Variants in SLC2A14 observed in about 807,000 individuals in gnomAD.
SLC2A14 encodes the protein solute carrier family 2, facilitated glucose transporter member 14.
In SLC2A14, 13 loss-of-function variants were observed where a neutral mutation model predicts 43.0. The observed-to-expected ratio is 0.30, with a 90% CI of 0.20 to 0.48. The LOEUF is 0.48. Among genes scored for constraint, SLC2A14 ranks in the 20% least tolerant of loss-of-function variants. The pLI is 0.99. For synonymous variants in SLC2A14, 190 were observed against 233.8 expected, an observed-to-expected ratio of 0.81 and a Z score of 1.71; for missense variants, 428 against 620.4, an observed-to-expected ratio of 0.69 and a Z score of 3.29.
chr12:7,884,263 C>T (rs369500251), intron 1 of SLC2A14, among the ~76,000 whole-genome samples: 8 of 152,132 alleles, frequency 5.3e-5, no homozygotes, highest in African/African-American at 1.9e-4. Flanking sequence ...TAAGTTTGAA[C>T]TCTTTCTTTC....
In SLC2A14 at chr12:7,821,311, T is replaced by C; in HGVS notation, c.879A>G (p.Ser293=). 1 of 1,613,634 alleles carries C rather than the reference T, an allele frequency of 6.2e-7. No homozygotes were observed. The highest frequency in any genetic ancestry group is 8.5e-7 in the Non-Finnish European group (1 of 1,179,670). Residue 293 remains serine (S), a synonymous_variant, in exon 8 of 11, where the codon TCA becomes TCG. Coordinates refer to ENST00000431042, the MANE Select transcript of SLC2A14 (RefSeq NM_001286234.2). ...LSGINAVFYY[S]TGIFKDAGVQ... The stretch of plus-strand genomic sequence containing the variant: ...CACCTGCATCCTTGAAGATTCCTGT[T>C]GAGTAATAGAACACCTAGGAGAAAA...
At chr12:7,885,131 A>T (rs1377517215) in intron 1 of SLC2A14, among the ~76,000 whole-genome samples, 3 of 152,172 alleles carry the variant, frequency 2.0e-5, no homozygotes, top group Non-Finnish European at 4.4e-5. Context: ...AAGCTGAACC[A>T]TGAGTCAGAA....
At chr12:7,856,771 A>G (rs1469055430) in intron 2 of SLC2A14, among the ~76,000 whole-genome samples, 1 of 152,082 alleles carries the variant, frequency 6.6e-6, no homozygotes, top group African/African-American at 2.4e-5. Flanking sequence ...GCTGAGTCAC[A>G]ATTTCAGCAG....
chr12:7,876,280 CA>C (rs59935166), upstream of SLC2A14, among the ~76,000 whole-genome samples: 586 of 68,100 alleles, frequency 8.6e-3, 4 homozygotes, highest in African/African-American at 0.024. Context: ...AACTCCATCT[CA>C]AAAAAAAAAA....
At chr12:7,837,638 C>CCAAAAAAAAAAA (rs1415686871) in intron 2 of SLC2A14, among the ~76,000 whole-genome samples, 3 of 52,892 alleles carry the variant, frequency 5.7e-5, no homozygotes, top group African/African-American at 2.6e-4. Context: ...AACTTCGTCT[C>CCAAAAAAAAAAA]AAAAAAAAAA....
intron 8 of SLC2A14, among the ~76,000 whole-genome samples, chr12:7,820,252 G>T (rs1018774504): frequency 2.0e-5 from 3 of 148,334 alleles, no homozygotes; most frequent in Non-Finnish European, 4.4e-5. Flanking sequence ...TCATCTGGTT[G>T]TGTATTTCTG....
At chr12:7,839,942 A>G in intron 2 of SLC2A14, 2 of 356,860 alleles carry the variant, frequency 5.6e-6, no homozygotes, top group Admixed American at 3.9e-5. Flanking sequence ...AAAAAAAAAA[A>G]AAAAAAAAAA....
chr12:7,876,303 A>AAAAAAAAAAAG (rs1555149216), upstream of SLC2A14, among the ~76,000 whole-genome samples: 231 of 133,624 alleles, frequency 1.7e-3, 3 homozygotes, highest in African/African-American at 5.8e-3. Flanking sequence ...AAAAAAAAAA[A>AAAAAAAAAAAG]AGAGAGACAA....
chr12:7,835,685 G>A (rs78356348), intron 2 of SLC2A14, among the ~76,000 whole-genome samples: 43 of 152,274 alleles, frequency 2.8e-4, no homozygotes, highest in East Asian at 1.5e-3. Flanking sequence ...GCCTTTAAAC[G>A]CATTGAGGTA....
intron 1 of SLC2A14, among the ~76,000 whole-genome samples, chr12:7,870,559 T>C (rs1222122972): frequency 6.6e-6 from 1 of 152,044 alleles, no homozygotes; most frequent in Non-Finnish European, 1.5e-5. Context: ...CCTGAGTCTA[T>C]TAGGAGGAGG....
chr12:7,869,799 A>G lies in SLC2A14; in HGVS notation c.18+64T>C, dbSNP rs1422346166. ...TGAAAAGTTTAGGAAGATGATAGGT[A>G]CTGTGATTATCAACATAACTCTGAC... On this transcript the variant is annotated intron_variant, in intron 2 of 10. Coordinates refer to ENST00000431042, the MANE Select transcript of SLC2A14 (RefSeq NM_001286234.2). 5.0e-6 allele frequency: 5 copies of G among 1,005,666 alleles called. No individual in the cohort carries two copies. In the African/African-American group the frequency reaches 8.0e-5, roughly 16 times the overall value. 62.3% of individuals were successfully genotyped at this position (1,005,666 alleles called of 1,614,324 possible). A position where few individuals can be genotyped will look rare whatever the true frequency, so the allele number is the denominator to read the frequency against.
intron 2 of SLC2A14, among the ~76,000 whole-genome samples, chr12:7,860,148 G>T (rs1944467211): frequency 6.6e-6 from 1 of 152,062 alleles, no homozygotes; most frequent in Non-Finnish European, 1.5e-5. Flanking sequence ...TCCCAGTACT[G>T]GCCCTGGAGA....
chr12:7,863,252 G>C (rs1480242448), intron 2 of SLC2A14: 1 of 370,274 alleles, frequency 2.7e-6, no homozygotes, highest in East Asian at 8.9e-5. Flanking sequence ...GAAGTCTGCA[G>C]CTTCACTCCT....
At chr12:7,816,578 C>A (rs1174705714) in intron 10 of SLC2A14, among the ~76,000 whole-genome samples, 1 of 150,598 alleles carries the variant, frequency 6.6e-6, no homozygotes, top group East Asian at 2.0e-4. Flanking sequence ...AAGATATATT[C>A]TTAAACTGGG....
At chr12:7,838,971 CTG>C (rs1865691919) in intron 2 of SLC2A14, among the ~76,000 whole-genome samples, 1 of 150,932 alleles carries the variant, frequency 6.6e-6, no homozygotes, top group Non-Finnish European at 1.5e-5. Flanking sequence ...TGTGAAGACA[CTG>C]AGAAGACAGC....
chr12:7,847,669 T>C (rs1216982536), intron 2 of SLC2A14, among the ~76,000 whole-genome samples: 1 of 152,152 alleles, frequency 6.6e-6, no homozygotes, highest in Non-Finnish European at 1.5e-5. Context: ...TGGCTTCTCT[T>C]AGCCCATCTA....
At chr12:7,857,510 G>C (rs11611732) in intron 2 of SLC2A14, among the ~76,000 whole-genome samples, 41,086 of 151,750 alleles carry the variant, frequency 0.27, 6,007 homozygotes, top group Middle Eastern at 0.35. Flanking sequence ...ATCACTTGAA[G>C]CTGGGAGGTA....
At chr12:7,823,403 A>G (rs1864091462) in intron 7 of SLC2A14, among the ~76,000 whole-genome samples, 1 of 151,648 alleles carries the variant, frequency 6.6e-6, no homozygotes, top group Non-Finnish European at 1.5e-5. Context: ...AAGAAAAAAA[A>G]AGTAAGGTTG....
intron 2 of SLC2A14, among the ~76,000 whole-genome samples, chr12:7,854,156 A>G (rs1867162547): frequency 6.6e-6 from 1 of 152,156 alleles, no homozygotes; most frequent in African/African-American, 2.4e-5. Context: ...AAAGCCTCTC[A>G]AATTAAGCAT....
Sources: allele counts gnomAD v4.1 joint callset (sites outside exome capture counted in the v4.1 genomes callset), GRCh38; gene constraint gnomAD v4.1.1; transcripts MANE v1.5; gene names NCBI Gene and HGNC (gene_info 2026-07-23, HGNC 2026-07-21).